Variants in HS3ST5 observed in about 807,000 individuals in gnomAD.
The protein encoded by HS3ST5 is heparan sulfate glucosamine 3-O-sulfotransferase 5.
Under a neutral mutation model 25.4 loss-of-function variants are expected in HS3ST5, and 10 were observed. The observed-to-expected ratio is 0.39, with a 90% confidence interval of 0.24 to 0.67. The LOEUF is 0.67. Ranked by LOEUF, HS3ST5 falls within the 30% of genes least tolerant of loss-of-function variation. HS3ST5 has a pLI of 0.44. For missense variants in HS3ST5, 324 were observed against 420.7 expected (o/e 0.77, Z 2.01); for synonymous variants, 170 against 162.4 (o/e 1.05, Z -0.36).
intron 3 of HS3ST5, among the ~76,000 whole-genome samples, chr6:114,136,141 A>G (rs1002733010): frequency 6.6e-6 from 1 of 152,236 alleles, no homozygotes; most frequent in Admixed American, 6.5e-5. Flanking sequence ...CTCACAAAAC[A>G]GGAATCAGGC....
At chr6:114,307,941 T>A (rs1389407940) in intron 1 of HS3ST5, among the ~76,000 whole-genome samples, 2 of 152,164 alleles carry the variant, frequency 1.3e-5, no homozygotes, top group African/African-American at 4.8e-5. Context: ...ATATTAAGAC[T>A]GATTAGTAAA....
intron 1 of HS3ST5, chr6:114,251,998 G>A (rs1242716334): frequency 1.3e-5 from 2 of 152,158 alleles, no homozygotes; most frequent in East Asian, 1.9e-4. Flanking sequence ...ACCTAGGAGG[G>A]TACCTCACAC....
At chr6:114,193,208 C>G (rs925107038) in intron 2 of HS3ST5, among the ~76,000 whole-genome samples, 1 of 152,162 alleles carries the variant, frequency 6.6e-6, no homozygotes, top group Admixed American at 6.5e-5. Context: ...ATAAGCAGCA[C>G]TGGTGGAAGA....
At position 114,205,496 on chromosome 6, in the gene HS3ST5, T is replaced by C. The variant is rs542080137; in HGVS notation, c.-145+23089A>G. ...AACATGTCCACCATTCTGGAAGGAC[T>C]CTTAGTCTTGAAGTCTCAAAGTTTT... On this transcript the variant is annotated intron_variant, in intron 2 of 4. Transcript: ENST00000312719. Among the ~76,000 whole-genome samples, 5 of 152,290 alleles carry C rather than the reference T, an allele frequency of 3.3e-5. No homozygotes were observed. The East Asian group carries it at 9.7e-4, about 29-fold the overall frequency.
At chr6:114,263,341 T>C (rs867217137) in intron 1 of HS3ST5, among the ~76,000 whole-genome samples, 4 of 152,200 alleles carry the variant, frequency 2.6e-5, no homozygotes, top group East Asian at 1.9e-4. Context: ...AAAAAACTTA[T>C]AAGAAAAAGA....
chr6:114,282,048 T>C (rs565055624), intron 1 of HS3ST5: 3 of 152,146 alleles, frequency 2.0e-5, no homozygotes, highest in African/African-American at 7.2e-5. Flanking sequence ...AAGTATATAC[T>C]GAAATAATCT....
rs539152338 is a variant in HS3ST5, at chr6:114,152,367, T to A, written c.-33+15984A>T. On this transcript the variant is annotated intron_variant, in intron 3 of 4. Coordinates refer to ENST00000312719, the MANE Select transcript of HS3ST5 (RefSeq NM_153612.4). ...TACACATCTATGCTGCACATACCAC[T>A]CTGATAATCCATTAACTGTTAACAC... Among the ~76,000 whole-genome samples the A allele has an allele frequency of 6.3e-3, 963 of 152,320 alleles. 5 individuals are homozygous for A. Among genetic ancestry groups the A allele is most frequent in the Middle Eastern group, 0.014 (4 of 294 alleles).
chr6:114,305,859 T>A (rs1416578836), intron 1 of HS3ST5, among the ~76,000 whole-genome samples: 4 of 152,076 alleles, frequency 2.6e-5, no homozygotes, highest in African/African-American at 4.8e-5. Flanking sequence ...AATATTATTA[T>A]GGGACTCTCT....
intron 3 of HS3ST5, among the ~76,000 whole-genome samples, chr6:114,066,557 C>T (rs1961955): frequency 0.14 from 21,398 of 152,070 alleles, 1,540 homozygotes; most frequent in Middle Eastern, 0.21. Flanking sequence ...CACTTGAACC[C>T]GGGAGGCGGA....
intron 3 of HS3ST5, among the ~76,000 whole-genome samples, chr6:114,112,886 G>C (rs1278433933): frequency 2.0e-5 from 3 of 152,142 alleles, no homozygotes; most frequent in Non-Finnish European, 4.4e-5. Flanking sequence ...TTGGTGCACA[G>C]GTGTTCTGTC....
At chr6:114,086,193 G>A (rs1407899586) in intron 3 of HS3ST5, among the ~76,000 whole-genome samples, 2 of 152,104 alleles carry the variant, frequency 1.3e-5, no homozygotes, top group Non-Finnish European at 2.9e-5. Context: ...AAAAGATTTT[G>A]CAGATTGTAA....
At chr6:114,147,906 A>T (rs555218445) in intron 3 of HS3ST5, among the ~76,000 whole-genome samples, 2 of 152,250 alleles carry the variant, frequency 1.3e-5, no homozygotes, top group East Asian at 3.9e-4. Flanking sequence ...CTTAGAGGTA[A>T]GCTTCTGTCA....
intron 1 of HS3ST5, among the ~76,000 whole-genome samples, chr6:114,260,062 C>T (rs189838712): frequency 2.6e-4 from 40 of 152,198 alleles, no homozygotes; most frequent in African/African-American, 8.7e-4. Context: ...ATGCCACATA[C>T]AGATAAATTA....
chr6:114,070,857 A>T (rs1773778786), intron 3 of HS3ST5, among the ~76,000 whole-genome samples: 1 of 152,216 alleles, frequency 6.6e-6, no homozygotes, highest in Non-Finnish European at 1.5e-5. Flanking sequence ...TGACTGCCTT[A>T]GTTCAGGCCA....
chr6:114,273,452 C>T (rs1257176054), intron 1 of HS3ST5, among the ~76,000 whole-genome samples: 1 of 151,852 alleles, frequency 6.6e-6, no homozygotes, highest in African/African-American at 2.4e-5. Context: ...AAATTATCAG[C>T]CTATTGATGG....
chr6:114,097,604 T>C (rs1775502217), intron 3 of HS3ST5, among the ~76,000 whole-genome samples: 1 of 151,978 alleles, frequency 6.6e-6, no homozygotes, highest in Admixed American at 6.6e-5. Context: ...TAAAATTCTG[T>C]ATAGAACTAT....
chr6:114,248,528 A>G (rs545209740), intron 1 of HS3ST5, among the ~76,000 whole-genome samples: 15 of 152,276 alleles, frequency 9.9e-5, no homozygotes, highest in African/African-American at 3.6e-4. Flanking sequence ...ATCTGGCAAT[A>G]ATTCAGATAT....
intron 1 of HS3ST5, among the ~76,000 whole-genome samples, chr6:114,268,577 A>G (rs184431532): frequency 1.7e-4 from 26 of 152,344 alleles, no homozygotes; most frequent in South Asian, 1.2e-3. Flanking sequence ...AATATGAAAG[A>G]AGGAATACTC....
intron 1 of HS3ST5, among the ~76,000 whole-genome samples, chr6:114,233,496 GATCAGA>G (rs1387212612): frequency 6.6e-6 from 1 of 152,080 alleles, no homozygotes; most frequent in Non-Finnish European, 1.5e-5. Flanking sequence ...ATTTGTGTCT[GATCAGA>G]ATTCTACAGA....
Sources: gnomAD v4.1 joint callset for allele counts (sites outside exome capture counted in the v4.1 genomes callset) on GRCh38, gnomAD v4.1.1 for gene constraint, MANE v1.5 for transcripts, NCBI Gene and HGNC (gene_info 2026-07-23, HGNC 2026-07-21) for gene names.